PYGL: variants seen among roughly 807,000 people sequenced by gnomAD.
PYGL encodes the protein glycogen phosphorylase L, also known as glycogen phosphorylase, liver form.
PYGL carries 90 observed loss-of-function variants against 100.1 expected under a neutral mutation model. That is an observed-to-expected ratio of 0.90 (90% confidence interval 0.76 to 1.07). PYGL has a LOEUF of 1.07. PYGL is among the 50% of genes least tolerant of loss of function. PYGL has a pLI of 0.00. For synonymous variants in PYGL, 373 were observed against 393.0 expected (o/e 0.95, Z 0.60); for missense variants, 1,016 against 1,057.6 (o/e 0.96, Z 0.55).
In PYGL at chr14:50,908,316, G is replaced by A. The variant is rs754681161; in HGVS notation, c.2334C>T (p.Tyr778=). Residue 778 remains tyrosine (Y), a synonymous_variant, in exon 19 of 20, where the codon TAC becomes TAT. Transcript: ENST00000216392. ...TATCTTGACACTTGACATAGGCTTC[G>A]TAGTCTGCAAAGACTTTAAACCTTT... is the stretch of plus-strand genomic sequence containing the variant. ...YHDRFKVFAD[Y]EAYVKCQDKV... is the part of the protein sequence containing the mutation. The A allele has an allele frequency of 8.1e-6, 13 of 1,603,598 alleles. No individual in the cohort carries two copies. Among genetic ancestry groups the A allele is most frequent in the Admixed American group, 1.7e-5 (1 of 59,992 alleles).
At chr14:50,937,651 A>T (rs548922907) in intron 2 of PYGL, 85 bp downstream of exon 2, 13 of 1,334,934 alleles carry the variant, frequency 9.7e-6, no homozygotes, top group Non-Finnish European at 1.1e-5. Context: ...ATTTTACTTT[A>T]TTTTTTTGTG....
chr14:50,915,838 T>C lies in PYGL; in HGVS notation c.1226A>G (p.Gln409Arg), dbSNP rs1321272862. ...RHLEIIYEIN[Q>R]KHLDRIVALF... is the part of the protein sequence containing the mutation. ...AAAATGACTTACATCTAAATGCTTC[T>C]GATTTATCTCATAAATGATTTCCAA... Residue 409 changes from glutamine (Q) to arginine (R), a missense_variant, in exon 10 of 20, where the codon CAG (glutamine) becomes CGG (arginine). Coordinates refer to ENST00000216392, the MANE Select transcript of PYGL (RefSeq NM_002863.5). The C allele has an allele frequency of 3.7e-6, 6 of 1,614,088 alleles. No individual in the cohort carries two copies. The highest frequency in any genetic ancestry group is 5.1e-6 in the Non-Finnish European group (6 of 1,179,966).
intron 2 of PYGL, among the ~76,000 whole-genome samples, chr14:50,937,447 G>A (rs752447560): frequency 9.9e-5 from 15 of 152,198 alleles, no homozygotes; most frequent in Admixed American, 1.3e-4. Context: ...TAAAAGGCTT[G>A]TTCAGACACT....
rs1366777703 is a variant in PYGL at position 50,905,388 on chromosome 14, G to C, written c.*4C>G. ...GCTATGTTTTCTAGAGACAATTCTA[G>C]AGTTCAATTTCCATTGACTTTGTTA... On this transcript the variant is annotated 3_prime_UTR_variant, in exon 20 of 20. Coordinates refer to ENST00000216392, the MANE Select transcript of PYGL (RefSeq NM_002863.5). The C allele has an allele frequency of 1.9e-6, 3 of 1,602,750 alleles. No individual in the cohort carries two copies. The highest frequency in any genetic ancestry group is 2.2e-5 in the South Asian group (2 of 90,762).
intron 7 of PYGL, among the ~76,000 whole-genome samples, 165 bp from the exon 8 acceptor site, chr14:50,917,270 C>T (rs893771175): frequency 2.6e-5 from 4 of 152,014 alleles, no homozygotes; most frequent in Admixed American, 1.3e-4. Context: ...TTCCTGAGAC[C>T]CCATGAAAAT....
At chr14:50,923,844 T>A (rs2050523289) in intron 5 of PYGL, 125 bp downstream of exon 5, 1 of 1,196,976 alleles carries the variant, frequency 8.4e-7, no homozygotes, top group Non-Finnish European at 1.2e-6. Flanking sequence ...TACAAAAATA[T>A]ATTCTATTAT....
At chr14:50,943,020 G>A (rs2050715013) in intron 1 of PYGL, among the ~76,000 whole-genome samples, 2 of 152,122 alleles carry the variant, frequency 1.3e-5, no homozygotes, top group Non-Finnish European at 2.9e-5. Context: ...TTCTTACTAT[G>A]AGAATTTACA....
chr14:50,939,737 C>G (rs566204568), intron 1 of PYGL, among the ~76,000 whole-genome samples: 2 of 152,084 alleles, frequency 1.3e-5, no homozygotes, highest in African/African-American at 4.8e-5. Flanking sequence ...GGGATTGCCC[C>G]ATTTCCATAA....
At chr14:50,941,480 A>G (rs1344064900) in intron 1 of PYGL, among the ~76,000 whole-genome samples, 6 of 152,222 alleles carry the variant, frequency 3.9e-5, no homozygotes, top group Admixed American at 3.9e-4. Flanking sequence ...AGAGCACGTC[A>G]TTCAAGGGAA....
rs878972150 is a variant in PYGL, at chr14:50,917,100, A to G, written c.861T>C (p.Phe287=). Residue 287 remains phenylalanine (F), a synonymous_variant, in exon 8 of 20, where the codon TTT becomes TTC. Transcript: ENST00000216392. ...SRVLYPNDNF[F]EGKELRLKQE... ...GCTTCAATCTTAGCTCCTTCCCTTC[A>G]AAAAACTTCAAGCCAGAGAGATAGA... The G allele has an allele frequency of 3.7e-6, 6 of 1,613,760 alleles. No individual in the cohort carries two copies. In the South Asian group the frequency reaches 5.5e-5, roughly 15 times the overall value.
In PYGL at chr14:50,905,323, A is replaced by G; in HGVS notation, c.*69T>C. On this transcript the variant is annotated 3_prime_UTR_variant, in exon 20 of 20. Transcript: ENST00000216392. ...ATAGATTATTAGCTAACAAAACAAA[A>G]ACCAGTGAATGTTGTAAAAATGTTC... 6.7e-7 allele frequency: 1 copy of G among 1,492,716 alleles called. No homozygotes were observed. The highest frequency in any genetic ancestry group is 9.3e-7 in the Non-Finnish European group (1 of 1,072,824). 92.5% of individuals were successfully genotyped at this position (1,492,716 alleles called of 1,614,324 possible). A position where few individuals can be genotyped will look rare whatever the true frequency, so the allele number is the denominator to read the frequency against.
At chr14:50,942,040 A>G (rs7149936) in intron 1 of PYGL, among the ~76,000 whole-genome samples, 33,838 of 152,162 alleles carry the variant, frequency 0.22, 4,505 homozygotes, top group East Asian at 0.46. Context: ...CTAGGGATCC[A>G]TATTTGGGAT....
chr14:50,905,770 G>A (rs548648269), intron 19 of PYGL, among the ~76,000 whole-genome samples: 6 of 152,310 alleles, frequency 3.9e-5, no homozygotes, highest in African/African-American at 1.4e-4. Flanking sequence ...ATGAAAAAAA[G>A]GTATTTTTCA....
chr14:50,915,786 TATGCTC>T (rs769703067), intron 10 of PYGL, 33 bp downstream of exon 10: 54 of 1,599,938 alleles, frequency 3.4e-5, no homozygotes, highest in Admixed American at 2.0e-4. Flanking sequence ...CTTAAGATCT[TATGCTC>T]ATGAACAGAG....
In PYGL at chr14:50,915,349, CG is replaced by C; in HGVS notation, c.1389del (p.Ile463MetfsTer2). On this transcript the variant is annotated frameshift_variant, in exon 11 of 20. Transcript: ENST00000216392. LOFTEE classifies it high-confidence loss of function. ...VNGVAKIHSD[I>X]VKTKVFKDFS... ...ATGGAGGCTCACACTTTAGTCTTCA[CG>C]ATGTCTGAGTGGATTTTAGCCACGC... is the stretch of plus-strand genomic sequence containing the variant. The C allele has an allele frequency of 6.2e-7, 1 of 1,614,130 alleles. No homozygotes were observed. Among genetic ancestry groups the C allele is most frequent in the Non-Finnish European group, 8.5e-7 (1 of 1,180,006 alleles).
chr14:50,921,114 T>C (rs2050497006), intron 5 of PYGL, 47 bp from the exon 6 acceptor site: 4 of 1,438,574 alleles, frequency 2.8e-6, no homozygotes, highest in Non-Finnish European at 2.9e-6. Context: ...CCAAGTGTGA[T>C]GACATAGGTT....
chr14:50,920,531 G>A lies in PYGL; in HGVS notation c.855+10C>T, dbSNP rs1467840637. 1.1e-5 allele frequency: 17 copies of A among 1,603,714 alleles called. No homozygotes were observed. Among genetic ancestry groups the A allele is most frequent in the Non-Finnish European group, 1.4e-5 (16 of 1,170,634 alleles). On this transcript the variant is annotated intron_variant, in intron 7 of 19. Coordinates refer to ENST00000216392, the MANE Select transcript of PYGL (RefSeq NM_002863.5). ...CTGTTGCCACTAAGAAAGCAACCTT[G>A]ATCACTCACATTGTCATTGGGATAG...
intron 4 of PYGL, among the ~76,000 whole-genome samples, chr14:50,926,401 G>T (rs2050547863): frequency 1.3e-5 from 2 of 151,752 alleles, no homozygotes; most frequent in Admixed American, 1.3e-4. Context: ...AGAAACAGTT[G>T]AAGTTTGCCA....
intron 4 of PYGL, among the ~76,000 whole-genome samples, chr14:50,930,018 A>G (rs185507375): frequency 3.4e-4 from 52 of 152,232 alleles, no homozygotes; most frequent in African/African-American, 1.3e-3. Context: ...CTTTTCCTTT[A>G]TCTTTCTGGC....
Sources: allele counts gnomAD v4.1 joint callset (sites outside exome capture counted in the v4.1 genomes callset), GRCh38; gene constraint gnomAD v4.1.1; transcripts MANE v1.5; gene names NCBI Gene and HGNC (gene_info 2026-07-23, HGNC 2026-07-21).